SLC6A3: variants seen among roughly 807,000 people sequenced by gnomAD.
The protein encoded by SLC6A3 is solute carrier family 6 member 3.
SLC6A3 carries 19 observed loss-of-function variants against 70.4 expected under a neutral mutation model. The observed-to-expected ratio is 0.27, with a 90% CI of 0.19 to 0.40. The LOEUF (loss-of-function observed/expected upper bound fraction) is 0.40. Among genes scored for constraint, SLC6A3 ranks in the 10% least tolerant of loss-of-function variants. The pLI, the probability that SLC6A3 is intolerant of heterozygous loss-of-function variation, is 1.00. For synonymous variants in SLC6A3, 368 were observed against 356.6 expected (o/e 1.03, Z -0.36); for missense variants, 613 against 838.5 (o/e 0.73, Z 3.32).
Position 1,401,321 on chromosome 5 carries a change from T to C in SLC6A3, c.1768-335A>G, listed in dbSNP as rs2126320440. On this transcript the variant is annotated intron_variant, in intron 13 of 14. Coordinates refer to ENST00000270349, the MANE Select transcript of SLC6A3 (RefSeq NM_001044.5). The surrounding 1 kb of genome is among the most constrained non-coding windows in gnomAD (Gnocchi z 6.1). ...GCTCTTGAGTCTAAGCTACCACGTG[T>C]GCTGGGCTCTGAGTAAGAAAGTGCC... 1 of 540,624 alleles carries C rather than the reference T, an allele frequency of 1.8e-6. No homozygotes were observed. 33.5% of individuals were successfully genotyped at this position (540,624 alleles called of 1,614,324 possible). A position where few individuals can be genotyped will look rare whatever the true frequency, so the allele number is the denominator to read the frequency against.
Position 1,408,132 on chromosome 5 carries a change from T to A in SLC6A3, c.1498+894A>T, listed in dbSNP as rs1257227343. Among the ~76,000 whole-genome samples the A allele has an allele frequency of 1.3e-5, 2 of 151,776 alleles. No individual in the cohort carries two copies. Among genetic ancestry groups the A allele is most frequent in the African/African-American group, 4.8e-5 (2 of 41,268 alleles). ...ATCATATTCCATCGTAAGTATACCA[T>A]CAGTGTCTTCAGAAAATCTACAGCC... On this transcript the variant is annotated intron_variant, in intron 11 of 14. Coordinates refer to ENST00000270349, the MANE Select transcript of SLC6A3 (RefSeq NM_001044.5). The surrounding 1 kb of genome is among the most constrained non-coding windows in gnomAD (Gnocchi z 6.4).
Position 1,394,848 on chromosome 5 carries a change from A to G in SLC6A3, c.1840-90T>C, listed in dbSNP as rs572564377. ...TGGCTAAGAGCAGCTGAAGGCAGTGAGCAGACAGTTTGCAGCCTCCTGGCC... is the reference window on the plus strand; with the variant it reads ...TGGCTAAGAGCAGCTGAAGGCAGTGGGCAGACAGTTTGCAGCCTCCTGGCC... On this transcript the variant is annotated intron_variant, in intron 14 of 14. Coordinates refer to ENST00000270349, the MANE Select transcript of SLC6A3 (RefSeq NM_001044.5). The surrounding 1 kb of genome is among the most constrained non-coding windows in gnomAD (Gnocchi z 4.7). 6 of 1,444,674 alleles carry G rather than the reference A, an allele frequency of 4.2e-6. No individual in the cohort carries two copies. The African/African-American group carries it at 8.4e-5, about 20-fold the overall frequency. The allele number at this position is 1,444,674 out of a possible 1,614,324, so 89.5% of individuals were successfully genotyped here.
chr5:1,402,719 C>T lies in SLC6A3; in HGVS notation c.1767+203G>A, dbSNP rs1012480485. 2.6e-5 allele frequency among the ~76,000 whole-genome samples: 4 copies of T among 152,190 alleles called. No individual in the cohort carries two copies. Among genetic ancestry groups the T allele is most frequent in the South Asian group, 4.1e-4 (2 of 4,824 alleles). The stretch of plus-strand genomic sequence containing the variant: ...ATACTTAAAGACACACACATGAATA[C>T]ACATATGGACGCACACCCATGGGCC... On this transcript the variant is annotated intron_variant, in intron 13 of 14. Transcript: ENST00000270349. This position sits in a 1 kb window ranked among gnomAD's most constrained non-coding sequence, Gnocchi z 8.5.
At position 1,411,459 on chromosome 5, in the gene SLC6A3, A is replaced by T. The variant is rs1461096779; in HGVS notation, c.1157-104T>A. On this transcript the variant is annotated intron_variant, in intron 8 of 14. Transcript: ENST00000270349. The surrounding 1 kb of genome is among the most constrained non-coding windows in gnomAD (Gnocchi z 6.5). ...AGCATGGCCTGCCACAGGCCTGTAG[A>T]GACTAGGGCTGGTGCGGCTCTGCTG... The T allele has an allele frequency of 1.2e-6, 1 of 838,792 alleles. No individual in the cohort carries two copies. The highest frequency in any genetic ancestry group is 2.0e-5 in the Admixed American group (1 of 50,080). 52.0% of individuals were successfully genotyped at this position (838,792 alleles called of 1,614,324 possible).
rs28363128 is a variant in SLC6A3 at position 1,403,500 on chromosome 5, A to G, written c.1600-411T>C. Among the ~76,000 whole-genome samples the G allele has an allele frequency of 1.7e-3, 201 of 120,584 alleles. 4 individuals are homozygous for G. The South Asian group carries it at 0.054, about 33-fold the overall frequency. 79.1% of individuals were successfully genotyped at this position (120,584 alleles called of 152,430 possible). On this transcript the variant is annotated intron_variant, in intron 12 of 14. Coordinates refer to ENST00000270349, the MANE Select transcript of SLC6A3 (RefSeq NM_001044.5). ...ATCCCATCATGTTCTATTCCATCCC[A>G]TCCTGTTCTATTACATCACATCCGG...
chr5:1,440,245 A>AT (rs1258799695), intron 3 of SLC6A3, among the ~76,000 whole-genome samples: 2 of 152,112 alleles, frequency 1.3e-5, no homozygotes, highest in Non-Finnish European at 2.9e-5. Flanking sequence ...TAGATAGAAG[A>AT]TGGATGGATG....
chr5:1,424,254 G>A (rs113856653), intron 4 of SLC6A3, among the ~76,000 whole-genome samples: 6,842 of 152,344 alleles, frequency 0.045, 526 homozygotes, highest in African/African-American at 0.16. Context: ...CCCGCACTGT[G>A]CAGGGAAAGT....
intron 8 of SLC6A3, among the ~76,000 whole-genome samples, chr5:1,412,003 G>A (rs1756140613): frequency 1.5e-5 from 2 of 134,392 alleles, no homozygotes; most frequent in Admixed American, 1.6e-4. Context: ...CACACAAACA[G>A]AAACATGCAC....
chr5:1,398,819 AG>A, intron 14 of SLC6A3, among the ~76,000 whole-genome samples: 1 of 152,372 alleles, frequency 6.6e-6, no homozygotes, highest in Non-Finnish European at 1.5e-5. Flanking sequence ...GATCAACCTC[AG>A]AAAACAGCCT....
chr5:1,404,629 C>T lies in SLC6A3; in HGVS notation c.1600-1540G>A, dbSNP rs377152357. On this transcript the variant is annotated intron_variant, in intron 12 of 14. Transcript: ENST00000270349. This position sits in a 1 kb window ranked among gnomAD's most constrained non-coding sequence, Gnocchi z 5.2. ...CCCCTTACGACCAGAGGTTAGCACA[C>T]GCCAGAGGGCAGGGGACTATGCCGC... Among the ~76,000 whole-genome samples the T allele has an allele frequency of 3.3e-5, 5 of 152,318 alleles. No individual in the cohort carries two copies. The highest frequency in any genetic ancestry group is 7.2e-5 in the African/African-American group (3 of 41,572).
intron 4 of SLC6A3, among the ~76,000 whole-genome samples, chr5:1,427,038 A>G (rs1365048224): frequency 6.6e-6 from 1 of 152,264 alleles, no homozygotes; most frequent in African/African-American, 2.4e-5. Flanking sequence ...CGCTATGAGA[A>G]ATGTTAAAGG....
intron 4 of SLC6A3, among the ~76,000 whole-genome samples, chr5:1,430,671 T>TA (rs761732051): frequency 1.3e-5 from 2 of 152,178 alleles, no homozygotes; most frequent in Non-Finnish European, 2.9e-5. Flanking sequence ...TGTCTGTTGA[T>TA]ACGGTTTTCA....
At chr5:1,395,807 G>C (rs1373995663) in intron 14 of SLC6A3, among the ~76,000 whole-genome samples, 2 of 152,248 alleles carry the variant, frequency 1.3e-5, no homozygotes, top group African/African-American at 4.8e-5. Context: ...GTTCCCCCCA[G>C]GGTGAAGCAG....
Position 1,397,425 on chromosome 5 carries a change from C to T in SLC6A3, c.1840-2667G>A, listed in dbSNP as rs548169349. On this transcript the variant is annotated intron_variant, in intron 14 of 14. Coordinates refer to ENST00000270349, the MANE Select transcript of SLC6A3 (RefSeq NM_001044.5). The surrounding 1 kb of genome is among the most constrained non-coding windows in gnomAD (Gnocchi z 4.7). ...CAGCCTGGGCTACAGAGCGAGACTC[C>T]GTCTCAAAACAAACAAACAAACAAA... 6.6e-5 allele frequency among the ~76,000 whole-genome samples: 10 copies of T among 151,666 alleles called. No individual in the cohort carries two copies. Among genetic ancestry groups the T allele is most frequent in the South Asian group, 2.1e-4 (1 of 4,820 alleles).
At chr5:1,423,445 A>T (rs2126376492) in intron 4 of SLC6A3, among the ~76,000 whole-genome samples, 1 of 152,360 alleles carries the variant, frequency 6.6e-6, no homozygotes, top group Admixed American at 6.5e-5. Flanking sequence ...AATGCCAGGC[A>T]CACAGGCACC....
At chr5:1,440,866 C>A (rs1030328311) in intron 3 of SLC6A3, among the ~76,000 whole-genome samples, 6 of 152,126 alleles carry the variant, frequency 3.9e-5, no homozygotes, top group African/African-American at 1.4e-4. Flanking sequence ...TAAACGTGTG[C>A]CTTTTAAGCC....
intron 4 of SLC6A3, among the ~76,000 whole-genome samples, chr5:1,426,026 G>T (rs543749259): frequency 6.6e-6 from 1 of 152,270 alleles, no homozygotes; most frequent in Admixed American, 6.5e-5. Flanking sequence ...AGTAAGTGTT[G>T]TCAAGGATGT....
intron 4 of SLC6A3, among the ~76,000 whole-genome samples, chr5:1,431,492 C>A (rs1052484776): frequency 4.7e-5 from 7 of 150,254 alleles, no homozygotes; most frequent in Admixed American, 2.0e-4. Flanking sequence ...GAGGATCAGG[C>A]CTGGCCGGGG....
At position 1,408,306 on chromosome 5, in the gene SLC6A3, T is replaced by G. The variant is rs1286580819; in HGVS notation, c.1498+720A>C. ...ATCTGCCCACCTCGGCCTCCCAAAG[T>G]GCTGGGATTACAGGCGTGAGTCACC... On this transcript the variant is annotated intron_variant, in intron 11 of 14. Transcript: ENST00000270349. The surrounding 1 kb of genome is among the most constrained non-coding windows in gnomAD (Gnocchi z 6.4). Among the ~76,000 whole-genome samples, 2 of 151,008 alleles carry G rather than the reference T, an allele frequency of 1.3e-5. No individual in the cohort carries two copies. The highest frequency in any genetic ancestry group is 2.9e-5 in the Non-Finnish European group (2 of 67,882).
Sources: allele counts gnomAD v4.1 joint callset (sites outside exome capture counted in the v4.1 genomes callset), GRCh38; gene constraint gnomAD v4.1.1; non-coding constraint Gnocchi (gnomAD v3.1); transcripts MANE v1.5; gene names NCBI Gene and HGNC (gene_info 2026-07-23, HGNC 2026-07-21).